Variants in EHF observed in about 807,000 individuals in gnomAD.
EHF encodes ETS homologous factor, also known as ESE3 transcription factor.
A neutral mutation model predicts 45.1 loss-of-function variants in EHF; 14 were observed. The observed-to-expected ratio is 0.31, with a 90% CI of 0.21 to 0.49. EHF has a LOEUF of 0.49. Ranked by LOEUF, EHF falls within the 20% of genes least tolerant of loss-of-function variation. The pLI, the probability that EHF is intolerant of heterozygous loss-of-function variation, is 0.99. For missense variants in EHF, 282 were observed against 371.4 expected (o/e 0.76, Z 1.98); for synonymous variants, 136 against 131.8 (o/e 1.03, Z -0.22).
intron 1 of EHF, chr11:34,624,362 A>AG: frequency 1.0e-6 from 1 of 977,674 alleles, no homozygotes; most frequent in Non-Finnish European, 1.2e-6. Flanking sequence ...AGACAGAGGC[A>AG]GGAGGGCAGC....
At chr11:34,636,495 T>C (rs148746498) in intron 1 of EHF, among the ~76,000 whole-genome samples, 5 of 152,352 alleles carry the variant, frequency 3.3e-5, no homozygotes, top group South Asian at 4.1e-4. Context: ...CTAATAAGCA[T>C]AGACATTGAC....
intron 2 of EHF, among the ~76,000 whole-genome samples, chr11:34,643,310 TCCTGAATCAAGTTGAATC>T (rs1420631745): frequency 2.0e-5 from 3 of 152,046 alleles, no homozygotes; most frequent in Non-Finnish European, 4.4e-5. Flanking sequence ...GCCTGTGGCT[TCCTGAATCAAGTTGAATC>T]CCTGAATCAA....
At chr11:34,657,056 G>A (rs572594044) in intron 7 of EHF, 86 bp downstream of exon 7, 41 of 1,462,910 alleles carry the variant, frequency 2.8e-5, no homozygotes, top group Admixed American at 1.5e-4. Flanking sequence ...GGCAAATATC[G>A]CCTCTGTCTG....
intron 3 of EHF, among the ~76,000 whole-genome samples, chr11:34,647,392 T>C (rs932881411): frequency 6.6e-6 from 1 of 152,182 alleles, no homozygotes; most frequent in Admixed American, 6.5e-5. Flanking sequence ...ATGTTGTCTT[T>C]GAGTGGTAGA....
Position 34,634,405 on chromosome 11 carries a change from C to A in EHF, c.-3-8223C>A, listed in dbSNP as rs1438763449. ...TCCTTTGGCTTCAGAGGTAAAAATG[C>A]CCACATGGCAGCCAGTTCTGTGGCA... On this transcript the variant is annotated intron_variant, in intron 1 of 8. Coordinates refer to ENST00000257831, the MANE Select transcript of EHF (RefSeq NM_012153.6). Among the ~76,000 whole-genome samples, 6 of 152,276 alleles carry A rather than the reference C, an allele frequency of 3.9e-5. No individual in the cohort carries two copies. In the East Asian group the frequency reaches 9.7e-4, roughly 25 times the overall value.
At chr11:34,623,034 A>T (rs1565018525) in intron 1 of EHF, among the ~76,000 whole-genome samples, 1 of 152,100 alleles carries the variant, frequency 6.6e-6, no homozygotes, top group Non-Finnish European at 1.5e-5. Context: ...GCTCAAATTC[A>T]ATTGTATTTG....
chr11:34,622,831 G>A (rs1852073551), intron 1 of EHF, among the ~76,000 whole-genome samples: 1 of 152,118 alleles, frequency 6.6e-6, no homozygotes, highest in African/African-American at 2.4e-5. Context: ...AATAATAAAT[G>A]TAATGGAGAC....
chr11:34,632,240 T>C (rs1439575504), intron 1 of EHF, among the ~76,000 whole-genome samples: 1 of 152,194 alleles, frequency 6.6e-6, no homozygotes, highest in East Asian at 1.9e-4. Context: ...ACTGCGTTGT[T>C]ATCGGAGCAG....
chr11:34,652,758 G>T (rs1165868107), intron 6 of EHF, among the ~76,000 whole-genome samples: 1 of 151,992 alleles, frequency 6.6e-6, no homozygotes, highest in African/African-American at 2.4e-5. Flanking sequence ...TTTTGTTTTT[G>T]CTTTTGAGAA....
At chr11:34,637,458 G>A (rs765338203) in intron 1 of EHF, among the ~76,000 whole-genome samples, 1 of 152,196 alleles carries the variant, frequency 6.6e-6, no homozygotes, top group Non-Finnish European at 1.5e-5. Context: ...AGATGCGGAG[G>A]CTGGCCTATC....
intron 2 of EHF, among the ~76,000 whole-genome samples, chr11:34,645,711 T>C (rs1480959136): frequency 2.6e-5 from 4 of 152,016 alleles, no homozygotes; most frequent in South Asian, 2.1e-4. Context: ...GAGTGAGAGG[T>C]AGAACACAAG....
rs1052759295 is a variant in EHF at position 34,633,450 on chromosome 11, C to T, written c.-3-9178C>T. Among the ~76,000 whole-genome samples, 7 of 152,126 alleles carry T rather than the reference C, an allele frequency of 4.6e-5. No individual in the cohort carries two copies. The South Asian group carries it at 6.2e-4, about 14-fold the overall frequency. On this transcript the variant is annotated intron_variant, in intron 1 of 8. Coordinates refer to ENST00000257831, the MANE Select transcript of EHF (RefSeq NM_012153.6). ...TATATAGACCAGAAAATCTCAATGG[C>T]GAGAGTGTTCAAGACTTCGTTAAGG...
At chr11:34,648,527 G>T (rs1472317575) in intron 3 of EHF, among the ~76,000 whole-genome samples, 2 of 152,132 alleles carry the variant, frequency 1.3e-5, no homozygotes, top group Non-Finnish European at 2.9e-5. Context: ...AATCATGATG[G>T]CATTGATTAG....
At chr11:34,622,983 A>T (rs1852083469) in intron 1 of EHF, among the ~76,000 whole-genome samples, 1 of 152,224 alleles carries the variant, frequency 6.6e-6, no homozygotes, top group South Asian at 2.1e-4. Flanking sequence ...TAGTGTGGGT[A>T]GGGTGACGTG....
intron 6 of EHF, 60 bp downstream of exon 6, chr11:34,651,865 A>G (rs1855205464): frequency 6.8e-7 from 1 of 1,478,460 alleles, no homozygotes; most frequent in African/African-American, 1.4e-5. Context: ...ATCAGTGGGA[A>G]TTACCAACAC....
intron 1 of EHF, among the ~76,000 whole-genome samples, chr11:34,628,702 G>A (rs1852597480): frequency 6.6e-6 from 1 of 152,174 alleles, no homozygotes; most frequent in African/African-American, 2.4e-5. Context: ...GTCATGTTTA[G>A]TTTAATCCTC....
intron 1 of EHF, 133 bp from the exon 2 acceptor site, chr11:34,642,495 C>T: frequency 1.0e-5 from 6 of 591,282 alleles, no homozygotes; most frequent in Non-Finnish European, 1.5e-5. Flanking sequence ...AACGCTTTGG[C>T]AATGGGTGGC....
At chr11:34,625,296 A>G (rs930619253) in intron 1 of EHF, among the ~76,000 whole-genome samples, 10 of 152,292 alleles carry the variant, frequency 6.6e-5, no homozygotes, top group African/African-American at 2.4e-4. Flanking sequence ...GCTGGTGGGA[A>G]TGTAGAAGTG....
intron 4 of EHF, among the ~76,000 whole-genome samples, chr11:34,650,123 C>G (rs967827316): frequency 2.0e-5 from 3 of 152,168 alleles, no homozygotes; most frequent in African/African-American, 7.2e-5. Flanking sequence ...GGATGGCACC[C>G]CCTCCCCTGC....
Sources: allele counts gnomAD v4.1 joint callset (sites outside exome capture counted in the v4.1 genomes callset), GRCh38; gene constraint gnomAD v4.1.1; transcripts MANE v1.5; gene names NCBI Gene and HGNC (gene_info 2026-07-23, HGNC 2026-07-21).